The following FRMD4A variants were observed in gnomAD, a reference collection of about 807,000 sequenced individuals.
FRMD4A encodes the protein FERM domain-containing protein 4A.
In FRMD4A, 29 loss-of-function variants were observed where a neutral mutation model predicts 129.1. The observed-to-expected ratio is 0.22, with a 90% CI of 0.17 to 0.31. The LOEUF is 0.31. FRMD4A is among the 10% of genes least tolerant of loss of function. The pLI, the probability that FRMD4A is intolerant of heterozygous loss-of-function variation, is 1.00. For synonymous variants in FRMD4A, 634 were observed against 571.6 expected, an observed-to-expected ratio of 1.11 and a Z score of -1.56; for missense variants, 1,272 against 1,375.8, an observed-to-expected ratio of 0.92 and a Z score of 1.19.
chr10:14,027,747 T>C (rs1833050090), intron 2 of FRMD4A, among the ~76,000 whole-genome samples: 1 of 152,246 alleles, frequency 6.6e-6, no homozygotes, highest in African/African-American at 2.4e-5. Context: ...GTTCTTACTC[T>C]AGCACTGGGG....
At chr10:13,763,621 T>C (rs17153964) in intron 6 of FRMD4A, among the ~76,000 whole-genome samples, 2,011 of 152,340 alleles carry the variant, frequency 0.013, 81 homozygotes, top group South Asian at 0.12. Flanking sequence ...GGACGTGGTC[T>C]TCAAAGCACT....
At chr10:13,690,853 G>C (rs114660903) in intron 15 of FRMD4A, among the ~76,000 whole-genome samples, 1,787 of 152,296 alleles carry the variant, frequency 0.012, 28 homozygotes, top group African/African-American at 0.041. Flanking sequence ...TTATCTATTA[G>C]GTGTACAGAT....
At chr10:14,161,984 A>G (rs969087387) in intron 2 of FRMD4A, among the ~76,000 whole-genome samples, 1 of 151,394 alleles carries the variant, frequency 6.6e-6, no homozygotes, top group Non-Finnish European at 1.5e-5. Flanking sequence ...TGATTCTAAT[A>G]ATATGTTTAT....
At chr10:13,786,884 G>T (rs893224112) in intron 5 of FRMD4A, among the ~76,000 whole-genome samples, 1 of 152,132 alleles carries the variant, frequency 6.6e-6, no homozygotes, top group Admixed American at 6.5e-5. Context: ...TTTCTTAAAA[G>T]AATCTCATTT....
chr10:13,791,360 A>AT (rs1359157649), intron 5 of FRMD4A, among the ~76,000 whole-genome samples: 1 of 151,902 alleles, frequency 6.6e-6, no homozygotes, highest in African/African-American at 2.4e-5. Flanking sequence ...TTGCATGAAC[A>AT]TTTTCCTGAA....
intron 2 of FRMD4A, among the ~76,000 whole-genome samples, chr10:14,320,782 T>C (rs1846947183): frequency 6.6e-6 from 1 of 152,236 alleles, no homozygotes; most frequent in Non-Finnish European, 1.5e-5. Context: ...AGCCAATCAA[T>C]ACCTTCATTA....
At chr10:13,684,871 GAA>G (rs11315548) in intron 15 of FRMD4A, 19,033 of 861,912 alleles carry the variant, frequency 0.022, 35 homozygotes, top group Non-Finnish European at 0.024. Flanking sequence ...AGACCTTAGA[GAA>G]AAAAAAAAAA....
chr10:13,701,219 A>G (rs1410664927), intron 14 of FRMD4A, 121 bp downstream of exon 14: 3 of 826,004 alleles, frequency 3.6e-6, no homozygotes, highest in Non-Finnish European at 5.9e-6. Flanking sequence ...GCAAGCCTGT[A>G]TCTGTGCAAG....
At chr10:14,173,205 G>A (rs942318692) in intron 2 of FRMD4A, among the ~76,000 whole-genome samples, 17 of 152,156 alleles carry the variant, frequency 1.1e-4, no homozygotes, top group Admixed American at 3.3e-4. Flanking sequence ...AATATTTCTA[G>A]CATTATTGAA....
intron 15 of FRMD4A, chr10:13,683,894 G>A (rs981604783): frequency 6.6e-6 from 1 of 152,074 alleles, no homozygotes; most frequent in African/African-American, 2.4e-5. Flanking sequence ...ATTTTTAGTA[G>A]AGATGGGGTT....
At chr10:14,329,947 C>T in intron 2 of FRMD4A, 111 bp downstream of exon 2, 1 of 983,670 alleles carries the variant, frequency 1.0e-6, no homozygotes, top group Non-Finnish European at 1.6e-6. Flanking sequence ...CGGGATAAAG[C>T]GGAGCAATGT....
intron 2 of FRMD4A, among the ~76,000 whole-genome samples, chr10:13,993,351 G>T (rs183602939): frequency 1.7e-3 from 265 of 152,248 alleles, no homozygotes; most frequent in African/African-American, 6.1e-3. Flanking sequence ...CAAGGACTTG[G>T]CTGGGACCCC....
At chr10:13,916,985 T>C (rs1388362596) in intron 2 of FRMD4A, among the ~76,000 whole-genome samples, 1 of 152,182 alleles carries the variant, frequency 6.6e-6, no homozygotes, top group Non-Finnish European at 1.5e-5. Context: ...CTTGGATTGT[T>C]CTAAGTAGGA....
chr10:14,085,606 G>T (rs2614149), intron 2 of FRMD4A, among the ~76,000 whole-genome samples: 1 of 151,984 alleles, frequency 6.6e-6, no homozygotes, highest in Non-Finnish European at 1.5e-5. Context: ...GCTGGGGACA[G>T]AGCCTGCCTC....
At chr10:13,946,088 G>T (rs956534248) in intron 2 of FRMD4A, among the ~76,000 whole-genome samples, 2 of 152,212 alleles carry the variant, frequency 1.3e-5, no homozygotes, top group African/African-American at 2.4e-5. Flanking sequence ...ACAACTATGA[G>T]TTGGGATCAA....
intron 2 of FRMD4A, among the ~76,000 whole-genome samples, chr10:14,167,672 C>G (rs4748088): frequency 1 from 151,621 of 152,170 alleles, 75,539 homozygotes; most frequent in Middle Eastern, 1. Context: ...CTTGGAACAA[C>G]GTAGGCAGAG....
At chr10:13,841,784 G>T (rs77959741) in intron 3 of FRMD4A, among the ~76,000 whole-genome samples, 2,590 of 152,178 alleles carry the variant, frequency 0.017, 33 homozygotes, top group South Asian at 0.038. Context: ...CGGAGTTCTG[G>T]CAAGTCATTC....
chr10:14,170,287 C>G (rs1841408977), intron 2 of FRMD4A, among the ~76,000 whole-genome samples: 1 of 152,108 alleles, frequency 6.6e-6, no homozygotes. Context: ...GACTATTATG[C>G]CCAGGTACAA....
chr10:13,965,807 G>C (rs981036865), intron 2 of FRMD4A, among the ~76,000 whole-genome samples: 4 of 152,184 alleles, frequency 2.6e-5, no homozygotes, highest in Admixed American at 6.5e-5. Context: ...TTCTCTCTCT[G>C]TAGAAAATGT....
Sources: allele counts gnomAD v4.1 joint callset (sites outside exome capture counted in the v4.1 genomes callset), GRCh38; gene constraint gnomAD v4.1.1; transcripts MANE v1.5; gene names NCBI Gene and HGNC (gene_info 2026-07-23, HGNC 2026-07-21).